Variants in XDH observed in about 807,000 individuals in gnomAD.
The protein encoded by XDH is xanthine dehydrogenase/oxidase.
XDH carries 138 observed loss-of-function variants against 156.1 expected under a neutral mutation model. The observed-to-expected ratio is 0.88, with a 90% CI of 0.77 to 1.02. XDH has a LOEUF of 1.02. Among genes scored for constraint, XDH ranks in the 50% least tolerant of loss-of-function variants. The pLI, the probability that XDH is intolerant of heterozygous loss-of-function variation, is 0.00. For missense variants in XDH, 1,849 were observed against 1,684.9 expected (o/e 1.10, Z -1.71); for synonymous variants, 669 against 625.7 (o/e 1.07, Z -1.03).
chr2:31,344,658 C>G (rs773490421), intron 31 of XDH, 26 bp downstream of exon 31: 14 of 1,613,938 alleles, frequency 8.7e-6, no homozygotes, highest in Non-Finnish European at 1.2e-5. Context: ...ACACTATGAG[C>G]TGGGCAAGGA....
chr2:31,339,355 T>G, intron 34 of XDH, 134 bp downstream of exon 34: 11 of 1,243,900 alleles, frequency 8.8e-6, no homozygotes, highest in Non-Finnish European at 1.3e-5. Flanking sequence ...CCAAGGTCAG[T>G]GTCAAACCAT....
Position 31,398,714 on chromosome 2 carries a change from T to C in XDH, c.307-15A>G. On this transcript the variant is annotated splice_polypyrimidine_tract_variant and intron_variant, in intron 4 of 35. Coordinates refer to ENST00000379416, the MANE Select transcript of XDH (RefSeq NM_000379.4). Reference sequence around the variant, plus strand: ...GCAATTCTCTCCTAAAAGATACAGATGACATAGACACCTGGGATGGCAGAA... The same window carrying C: ...GCAATTCTCTCCTAAAAGATACAGACGACATAGACACCTGGGATGGCAGAA... 6.2e-7 allele frequency: 1 copy of C among 1,613,138 alleles called. No homozygotes were observed. The highest frequency in any genetic ancestry group is 1.1e-5 in the South Asian group (1 of 91,034).
chr2:31,348,122 A>G (rs1685351102), intron 28 of XDH, 146 bp downstream of exon 28: 1 of 836,626 alleles, frequency 1.2e-6, no homozygotes. Context: ...AGTGGGGGAA[A>G]AGACTTGCCC....
At chr2:31,361,293 ATC>A (rs1685770740) in intron 24 of XDH, among the ~76,000 whole-genome samples, 4 of 152,262 alleles carry the variant, frequency 2.6e-5, no homozygotes, top group Admixed American at 2.6e-4. Context: ...AAACTGTTCT[ATC>A]AAATTTAGTA....
intron 4 of XDH, 31 bp from the exon 5 acceptor site, chr2:31,398,730 G>C (rs767167055): frequency 4.3e-6 from 7 of 1,612,508 alleles, no homozygotes; most frequent in Non-Finnish European, 5.1e-6. Flanking sequence ...AGACACCTGG[G>C]ATGGCAGAAC....
At chr2:31,379,119 G>A (rs1322828427) in intron 13 of XDH, among the ~76,000 whole-genome samples, 2 of 152,132 alleles carry the variant, frequency 1.3e-5, no homozygotes, top group Non-Finnish European at 2.9e-5. Context: ...TTTTCTGACA[G>A]GCCCTTTTGG....
At chr2:31,393,285 A>G (rs529626076) in intron 6 of XDH, among the ~76,000 whole-genome samples, 7 of 152,298 alleles carry the variant, frequency 4.6e-5, no homozygotes, top group Non-Finnish European at 8.8e-5. Context: ...GTTCCACCAG[A>G]TTTGCCTCAT....
chr2:31,412,537 C>T (rs558580844), intron 1 of XDH, among the ~76,000 whole-genome samples: 69 of 152,088 alleles, frequency 4.5e-4, no homozygotes, highest in East Asian at 2.1e-3. Context: ...ATGTAAATGA[C>T]GAGTTAATGG....
In XDH at chr2:31,386,491, G is replaced by A; in HGVS notation, c.716C>T (p.Ala239Val). ...FEGERVTWIQ[A>V]STLKELLDLK... is the part of the protein sequence containing the mutation. ...GTCCAGCAGCTCCTTGAGGGTTGAG[G>A]CCTGTATCCACGTCACACGCTCCCC... is the stretch of plus-strand genomic sequence containing the variant. The change falls in exon 9 of 36, where the codon GCC becomes GTC. Residue 239 changes from alanine (A) to valine (V), a missense_variant. Transcript: ENST00000379416. 1 of 1,614,118 alleles carries A rather than the reference G, an allele frequency of 6.2e-7. No homozygotes were observed. The highest frequency in any genetic ancestry group is 8.5e-7 in the Non-Finnish European group (1 of 1,180,024).
intron 5 of XDH, among the ~76,000 whole-genome samples, chr2:31,398,251 C>T (rs1572564831): frequency 6.6e-6 from 1 of 152,120 alleles, no homozygotes; most frequent in Non-Finnish European, 1.5e-5. Flanking sequence ...TATCACTAGC[C>T]CCCGTGGAGT....
intron 24 of XDH, among the ~76,000 whole-genome samples, chr2:31,357,982 TG>T (rs1685671123): frequency 6.6e-6 from 1 of 152,152 alleles, no homozygotes; most frequent in Non-Finnish European, 1.5e-5. Flanking sequence ...TTTTTTTGTT[TG>T]TTTCTTTTTT....
intron 28 of XDH, 136 bp downstream of exon 28, chr2:31,348,132 C>G: frequency 5.6e-6 from 5 of 886,694 alleles, no homozygotes; most frequent in Non-Finnish European, 9.2e-6. Context: ...AAGACTTGCC[C>G]GAGGCTACAC....
chr2:31,372,054 A>G (rs1332808674), intron 17 of XDH, among the ~76,000 whole-genome samples, 174 bp downstream of exon 17: 1 of 152,206 alleles, frequency 6.6e-6, no homozygotes, highest in Non-Finnish European at 1.5e-5. Flanking sequence ...TGGAACAGAG[A>G]GATAATAATA....
At chr2:31,414,525 G>T (rs923794820) in intron 1 of XDH, 100 bp downstream of exon 1, 4 of 1,515,698 alleles carry the variant, frequency 2.6e-6, no homozygotes, top group South Asian at 1.1e-5. Context: ...ACAAGTAAGA[G>T]GGGACAGGAA....
Position 31,335,331 on chromosome 2 carries a change from G to A in XDH, c.*627C>T, listed in dbSNP as rs921277136. On this transcript the variant is annotated 3_prime_UTR_variant, in exon 36 of 36. Transcript: ENST00000379416. ...ATTGTACGTGCTCAATAATTGAGTT[G>A]GTTGGATTTTTGTATTATAGAGTAA... 5.1e-5 allele frequency: 8 copies of A among 156,124 alleles called. No individual in the cohort carries two copies. The highest frequency in any genetic ancestry group is 1.9e-4 in the African/African-American group (8 of 41,438). The allele number at this position is 156,124 out of a possible 1,614,324, so 9.7% of individuals were successfully genotyped here. A position where few individuals can be genotyped will look rare whatever the true frequency, so the allele number is the denominator to read the frequency against.
Position 31,334,654 on chromosome 2 carries a change from G to C in XDH, c.*1304C>G, listed in dbSNP as rs1320492963. On this transcript the variant is annotated 3_prime_UTR_variant, in exon 36 of 36. Coordinates refer to ENST00000379416, the MANE Select transcript of XDH (RefSeq NM_000379.4). The stretch of plus-strand genomic sequence containing the variant: ...GCTGCAGATCCTTTATGTAACTGGA[G>C]TTTTCAGGTCATATATTTATAGGCT... The C allele has an allele frequency of 6.6e-6, 1 of 152,106 alleles. No homozygotes were observed. The highest frequency in any genetic ancestry group is 6.5e-5 in the Admixed American group (1 of 15,274). 9.4% of individuals were successfully genotyped at this position (152,106 alleles called of 1,614,324 possible). A position where few individuals can be genotyped will look rare whatever the true frequency, so the allele number is the denominator to read the frequency against.
At chr2:31,343,308 A>ATATATATATATATATATATATGCATGTT (rs1553411647) in intron 31 of XDH, among the ~76,000 whole-genome samples, 18 of 98,440 alleles carry the variant, frequency 1.8e-4, no homozygotes, top group East Asian at 1.5e-3. Flanking sequence ...ATATATATAT[A>ATATATATATATATATATATATGCATGTT]TATATATATA....
chr2:31,410,551 G>A (rs1687314893), intron 1 of XDH, among the ~76,000 whole-genome samples: 1 of 152,046 alleles, frequency 6.6e-6, no homozygotes, highest in South Asian at 2.1e-4. Flanking sequence ...AAACGTGGTG[G>A]ATAACACCTT....
At chr2:31,373,838 TC>T (rs1213458279) in intron 16 of XDH, 34 bp downstream of exon 16, 18 of 1,610,344 alleles carry the variant, frequency 1.1e-5, no homozygotes, top group Non-Finnish European at 1.5e-5. Flanking sequence ...GCCTGCAAAG[TC>T]CCCTGATATT....
Sources: gnomAD v4.1 joint callset for allele counts (sites outside exome capture counted in the v4.1 genomes callset) on GRCh38, gnomAD v4.1.1 for gene constraint, MANE v1.5 for transcripts, NCBI Gene and HGNC (gene_info 2026-07-23, HGNC 2026-07-21) for gene names.